Variants in HOXB3 observed in about 807,000 individuals in gnomAD.
The protein encoded by HOXB3 is homeobox protein Hox-B3.
In HOXB3, 17 loss-of-function variants were observed where a neutral mutation model predicts 29.2. The ratio of observed to expected loss-of-function variants is 0.58; its 90% CI spans 0.40 to 0.87. The LOEUF is 0.87. Among genes scored for constraint, HOXB3 ranks in the 40% least tolerant of loss-of-function variants. The pLI, the probability that HOXB3 is intolerant of heterozygous loss-of-function variation, is 0.00. For synonymous variants in HOXB3, 317 were observed against 285.9 expected (o/e 1.11, Z -1.10); for missense variants, 637 against 616.3 (o/e 1.03, Z -0.35).
At chr17:48,567,233 G>T (rs2144834957) in intron 2 of HOXB3, among the ~76,000 whole-genome samples, 1 of 152,350 alleles carries the variant, frequency 6.6e-6, no homozygotes, top group African/African-American at 2.4e-5. Flanking sequence ...GAGTGTGGGA[G>T]CGAGCTCCTG....
chr17:48,550,143 G>T lies in HOXB3; in HGVS notation c.*191C>A. On this transcript the variant is annotated 3_prime_UTR_variant, in exon 5 of 5. Transcript: ENST00000498678. The stretch of plus-strand genomic sequence containing the variant: ...TTTCCGATGGGTTGGCAGGCAGATG[G>T]AACAAGGGGTGGAAGACTTAAAAGC... The T allele has an allele frequency of 1.5e-6, 1 of 663,094 alleles. No individual in the cohort carries two copies. The highest frequency in any genetic ancestry group is 2.5e-6 in the Non-Finnish European group (1 of 396,012). 41.1% of individuals were successfully genotyped at this position (663,094 alleles called of 1,614,324 possible).
In HOXB3 at chr17:48,550,855, G is replaced by A. The variant is rs1380728983; in HGVS notation, c.775C>T (p.Pro259Ser). Residue 259 changes from proline (P) to serine (S), a missense_variant, in exon 5 of 5, where the codon CCA (proline) becomes TCA (serine). Transcript: ENST00000498678. ...AKGLASSSGGPSPAGSPPQPM... is the reference protein window; with the variant it reads ...AKGLASSSGGSSPAGSPPQPM... ...TGCGGGGGGCTGCCGGCTGGAGATG[G>A]GCCCCCCGACGACGAGGCCAATCCC... The A allele has an allele frequency of 1.2e-6, 2 of 1,613,774 alleles. No homozygotes were observed. Among genetic ancestry groups the A allele is most frequent in the Non-Finnish European group, 1.7e-6 (2 of 1,179,918 alleles).
At chr17:48,561,185 C>CACACAA (rs1555637584) in intron 2 of HOXB3, among the ~76,000 whole-genome samples, 17 of 89,610 alleles carry the variant, frequency 1.9e-4, no homozygotes, top group Admixed American at 3.1e-4. Flanking sequence ...CGTCTCAAAA[C>CACACAA]ACACACACAC....
intron 1 of HOXB3, among the ~76,000 whole-genome samples, chr17:48,586,172 G>T (rs911450906): frequency 6.6e-6 from 1 of 152,316 alleles, no homozygotes; most frequent in African/African-American, 2.4e-5. Context: ...CTCTCCAAGA[G>T]GAACTTTAGG....
intron 1 of HOXB3, among the ~76,000 whole-genome samples, chr17:48,587,770 A>G (rs886198740): frequency 5.9e-5 from 9 of 152,208 alleles, no homozygotes. Flanking sequence ...CCTCCCACCC[A>G]TTGGCCTCAG....
rs2069813172 is a variant in HOXB3 at position 48,577,781 on chromosome 17, C to CT, written c.-424-3768_-424-3767insA. 6 of 928,036 alleles carry CT rather than the reference C, an allele frequency of 6.5e-6. No individual in the cohort carries two copies. The East Asian group carries it at 1.9e-4, about 29-fold the overall frequency. The allele number at this position is 928,036 out of a possible 1,614,324, so 57.5% of individuals were successfully genotyped here. On this transcript the variant is annotated intron_variant, in intron 1 of 4. Transcript: ENST00000498678. ...GGGACAATTGGCTTCCCCAGCTCAA[C>CT]CCCCCCCCAACCCATGCCTCCGAAG...
intron 1 of HOXB3, chr17:48,576,650 T>G: frequency 8.3e-5 from 47 of 567,712 alleles, no homozygotes; most frequent in Middle Eastern, 1.3e-3. Flanking sequence ...CCCCCTCCTG[T>G]CCCCCCACCC....
intron 2 of HOXB3, chr17:48,556,543 C>T (rs1293660024): frequency 4.8e-5 from 6 of 124,970 alleles, no homozygotes; most frequent in Non-Finnish European, 8.4e-5. Context: ...AGGGAAAGAC[C>T]AGAACTTAAA....
In HOXB3 at chr17:48,552,381, G is replaced by C. The variant is rs1238602182; in HGVS notation, c.94C>G (p.Pro32Ala). 2 of 1,613,230 alleles carry C rather than the reference G, an allele frequency of 1.2e-6. No homozygotes were observed. The highest frequency in any genetic ancestry group is 1.7e-6 in the Non-Finnish European group (2 of 1,179,418). ...GCGGCCTGAAATGGGGGTTGGGGGG[G>C]GACATCGAAGCCGAAGCCATTGCTG... ...PGSNGFGFDV[P>A]PQPPFQAATH... The change falls in exon 4 of 5, where the codon CCC becomes GCC. Residue 32 changes from proline to alanine, a missense_variant. Pro to Ala is a conservative substitution (Grantham distance 27). Transcript: ENST00000498678.
Position 48,577,864 on chromosome 17 carries a change from C to T in HOXB3, c.-424-3850G>A, listed in dbSNP as rs764069158. ...GGGAAGGGGTGCCCACGCACTCACC[C>T]GTGCTCACGTGAACTTTGCGCATCC... On this transcript the variant is annotated intron_variant, in intron 1 of 4. Coordinates refer to ENST00000498678, the MANE Select transcript of HOXB3 (RefSeq NM_001384749.1). 5.7e-6 allele frequency: 8 copies of T among 1,401,188 alleles called. No individual in the cohort carries two copies. In the South Asian group the frequency reaches 1.5e-4, roughly 26 times the overall value. The allele number at this position is 1,401,188 out of a possible 1,614,324, so 86.8% of individuals were successfully genotyped here. A position where few individuals can be genotyped will look rare whatever the true frequency, so the allele number is the denominator to read the frequency against.
intron 1 of HOXB3, among the ~76,000 whole-genome samples, chr17:48,589,721 T>A (rs1388424376): frequency 1.3e-5 from 2 of 152,058 alleles, no homozygotes; most frequent in Non-Finnish European, 2.9e-5. Flanking sequence ...CTCCGACAAA[T>A]GAATGTCATA....
At chr17:48,576,435 T>C (rs1178178051) in intron 1 of HOXB3, 2 of 333,380 alleles carry the variant, frequency 6.0e-6, no homozygotes, top group Non-Finnish European at 5.4e-6. Flanking sequence ...TTCTGTCTTT[T>C]TCTTTCTTCC....
Position 48,549,303 on chromosome 17 carries a change from C to G in HOXB3, c.*1031G>C, listed in dbSNP as rs1429233285. 6.6e-6 allele frequency: 1 copy of G among 152,456 alleles called. No homozygotes were observed. Among genetic ancestry groups the G allele is most frequent in the Non-Finnish European group, 1.5e-5 (1 of 68,010 alleles). The allele number at this position is 152,456 out of a possible 1,614,324, so 9.4% of individuals were successfully genotyped here. A position where few individuals can be genotyped will look rare whatever the true frequency, so the allele number is the denominator to read the frequency against. On this transcript the variant is annotated 3_prime_UTR_variant, in exon 5 of 5. Transcript: ENST00000498678. ...ATGAAAATGTTCACTAGAACACACGCTTTTTTGAGCAATGCTGGACTTCTG... is the reference window on the plus strand; with the variant it reads ...ATGAAAATGTTCACTAGAACACACGGTTTTTTGAGCAATGCTGGACTTCTG...
chr17:48,549,425 C>T lies in HOXB3; in HGVS notation c.*909G>A, dbSNP rs2068630660. On this transcript the variant is annotated 3_prime_UTR_variant, in exon 5 of 5. Coordinates refer to ENST00000498678, the MANE Select transcript of HOXB3 (RefSeq NM_001384749.1). ...CTGTCAGGAGGCTGAGCAAGGCACA[C>T]AGGCCCTGCCCAGCCCCTGCCTGGG... The T allele has an allele frequency of 7.8e-6, 1 of 128,606 alleles. No individual in the cohort carries two copies. The highest frequency in any genetic ancestry group is 1.7e-5 in the Non-Finnish European group (1 of 59,744). The allele number at this position is 128,606 out of a possible 1,614,324, so 8.0% of individuals were successfully genotyped here.
intron 1 of HOXB3, chr17:48,578,381 C>T: frequency 6.4e-7 from 1 of 1,555,324 alleles, no homozygotes; most frequent in South Asian, 1.2e-5. Flanking sequence ...ACTCGTTTTC[C>T]TGTTTCCGAA....
chr17:48,571,703 G>GA (rs2069591465), intron 2 of HOXB3, among the ~76,000 whole-genome samples: 1 of 152,204 alleles, frequency 6.6e-6, no homozygotes, highest in African/African-American at 2.4e-5. Flanking sequence ...TACAGGTAAT[G>GA]AATACACATC....
intron 2 of HOXB3, among the ~76,000 whole-genome samples, chr17:48,562,644 T>C (rs1258404285): frequency 6.6e-6 from 1 of 152,202 alleles, no homozygotes; most frequent in Non-Finnish European, 1.5e-5. Flanking sequence ...AAGTTGATGA[T>C]TTATGATAAA....
chr17:48,555,711 C>G lies in HOXB3; in HGVS notation c.-246-93G>C, dbSNP rs888454397. ...CCGCAAAGCCACCCCGGCTGGGGAG[C>G]CCGAGGGGCAGACCGGCCAGAGGAG... On this transcript the variant is annotated intron_variant, in intron 2 of 4. Coordinates refer to ENST00000498678, the MANE Select transcript of HOXB3 (RefSeq NM_001384749.1). 23 of 626,080 alleles carry G rather than the reference C, an allele frequency of 3.7e-5. No homozygotes were observed. The Middle Eastern group carries it at 1.2e-3, about 34-fold the overall frequency. The allele number at this position is 626,080 out of a possible 1,614,324, so 38.8% of individuals were successfully genotyped here.
intron 2 of HOXB3, among the ~76,000 whole-genome samples, chr17:48,572,337 A>G (rs1491001139): frequency 6.6e-6 from 1 of 152,222 alleles, no homozygotes; most frequent in African/African-American, 2.4e-5. Context: ...AGCTTCCTCA[A>G]CAAATGAACT....
Sources: gnomAD v4.1 joint callset for allele counts (sites outside exome capture counted in the v4.1 genomes callset) on GRCh38, gnomAD v4.1.1 for gene constraint, MANE v1.5 for transcripts, NCBI Gene and HGNC (gene_info 2026-07-23, HGNC 2026-07-21) for gene names.